The following PCDHA13 variants were observed in gnomAD, a reference collection of about 807,000 sequenced individuals.
PCDHA13 encodes protocadherin alpha-13.
Under a neutral mutation model 64.8 loss-of-function variants are expected in PCDHA13, and 54 were observed. The observed-to-expected ratio is 0.83, with a 90% CI of 0.67 to 1.04. PCDHA13 has a LOEUF of 1.04. Among genes scored for constraint, PCDHA13 ranks in the 50% least tolerant of loss-of-function variants. The probability of loss-of-function intolerance (pLI) is 0.00; values close to 1 mark genes in which losing one functional copy is unlikely to be tolerated. For synonymous variants in PCDHA13, 587 were observed against 564.4 expected (o/e 1.04, Z -0.57); for missense variants, 1,248 against 1,254.3 (o/e 0.99, Z 0.08).
At chr5:140,955,146 T>C (rs184262984) in intron 1 of PCDHA13, among the ~76,000 whole-genome samples, 10 of 152,338 alleles carry the variant, frequency 6.6e-5, no homozygotes, top group African/African-American at 2.4e-4. Context: ...TCTGTTTTTG[T>C]ACCAGTACCG....
intron 1 of PCDHA13, among the ~76,000 whole-genome samples, chr5:140,933,313 C>T (rs977318847): frequency 3.9e-5 from 6 of 151,916 alleles, no homozygotes; most frequent in African/African-American, 1.4e-4. Context: ...TATGCAATCT[C>T]GTATTCTCCT....
intron 1 of PCDHA13, chr5:140,928,022 G>A: frequency 6.2e-7 from 1 of 1,614,200 alleles, no homozygotes; most frequent in Non-Finnish European, 8.5e-7. Flanking sequence ...AGGGTCATTT[G>A]TGGCATGTCT....
At chr5:140,976,929 A>G (rs1289479026) in intron 1 of PCDHA13, among the ~76,000 whole-genome samples, 2 of 152,234 alleles carry the variant, frequency 1.3e-5, no homozygotes, top group South Asian at 2.1e-4. Flanking sequence ...AGTACTGTGT[A>G]GCTACTTAAA....
rs551685820 is a variant in PCDHA13, at chr5:140,967,997, C to G, written c.2395-10952C>G. On this transcript the variant is annotated intron_variant, in intron 1 of 3. Transcript: ENST00000289272. ...GGGTCTGGAGGCCACACTGCCTTTC[C>G]GACTGAATGGCTTTGGAAACTCCTA... is the stretch of plus-strand genomic sequence containing the variant. The G allele has an allele frequency of 4.3e-6, 7 of 1,614,220 alleles. No individual in the cohort carries two copies. In the African/African-American group the frequency reaches 6.7e-5, roughly 15 times the overall value.
chr5:140,923,155 A>G (rs1316496589), intron 1 of PCDHA13, among the ~76,000 whole-genome samples: 4 of 152,236 alleles, frequency 2.6e-5, no homozygotes, highest in Non-Finnish European at 5.9e-5. Context: ...AAAAAATTAT[A>G]GAAAGATAAA....
intron 1 of PCDHA13, chr5:140,966,696 G>A (rs2096039255): frequency 7.4e-7 from 1 of 1,358,662 alleles, no homozygotes. Flanking sequence ...GGCGGGGCCC[G>A]GGCGTGGGGC....
chr5:140,904,716 G>T, intron 1 of PCDHA13, among the ~76,000 whole-genome samples: 1 of 151,886 alleles, frequency 6.6e-6, no homozygotes. Context: ...ACCACATTCT[G>T]GCCAACATCT....
In PCDHA13 at chr5:141,011,207, G is replaced by A. The variant is rs79928365; in HGVS notation, c.*1270G>A. On this transcript the variant is annotated 3_prime_UTR_variant, in exon 4 of 4. Coordinates refer to ENST00000289272, the MANE Select transcript of PCDHA13 (RefSeq NM_018904.3). Reference sequence around the variant, plus strand: ...GAAAAATATTGTTTTCTCATACAGTGAGCAGATTTTTCAATCTACTAATTC... The same window carrying A: ...GAAAAATATTGTTTTCTCATACAGTAAGCAGATTTTTCAATCTACTAATTC... 325 of 153,804 alleles carry A rather than the reference G, an allele frequency of 2.1e-3. 2 individuals are homozygous for A. The highest frequency in any genetic ancestry group is 7.1e-3 in the African/African-American group (293 of 41,546). 9.5% of individuals were successfully genotyped at this position (153,804 alleles called of 1,614,324 possible). A position where few individuals can be genotyped will look rare whatever the true frequency, so the allele number is the denominator to read the frequency against.
intron 1 of PCDHA13, chr5:140,967,752 C>T: frequency 1.2e-6 from 2 of 1,614,194 alleles, no homozygotes; most frequent in Middle Eastern, 1.6e-4. Context: ...GAGGAAGCCT[C>T]CTCCTACCAG....
chr5:140,967,959 G>A lies in PCDHA13; in HGVS notation c.2395-10990G>A, dbSNP rs782716187. ...AATGACCAAGACTCAGGCCCCAACC[G>A]GAAAGTGAGCCTGGGTCTGGAGGCC... On this transcript the variant is annotated intron_variant, in intron 1 of 3. Transcript: ENST00000289272. The A allele has an allele frequency of 1.5e-5, 25 of 1,614,046 alleles. No individual in the cohort carries two copies. Among genetic ancestry groups the A allele is most frequent in the Non-Finnish European group, 1.9e-5 (23 of 1,180,058 alleles).
intron 2 of PCDHA13, among the ~76,000 whole-genome samples, chr5:140,982,179 T>C (rs950269342): frequency 6.6e-6 from 1 of 152,396 alleles, no homozygotes. Flanking sequence ...CTTAGTCCTC[T>C]GATGGGCTTC....
intron 1 of PCDHA13, chr5:140,927,019 T>C: frequency 6.2e-7 from 1 of 1,612,660 alleles, no homozygotes; most frequent in Non-Finnish European, 8.5e-7. Flanking sequence ...CTCCGCGGAC[T>C]TGAGGCTGCC....
chr5:140,960,258 T>G (rs551623092), intron 1 of PCDHA13, among the ~76,000 whole-genome samples: 1 of 152,248 alleles, frequency 6.6e-6, no homozygotes, highest in Non-Finnish European at 1.5e-5. Context: ...CTGGAGCTTC[T>G]GATAAATTCC....
intron 3 of PCDHA13, among the ~76,000 whole-genome samples, chr5:140,985,840 T>C (rs1441638586): frequency 2.0e-5 from 3 of 149,512 alleles, no homozygotes; most frequent in African/African-American, 7.4e-5. Flanking sequence ...CCCGGGTTCA[T>C]GCCACTCTCC....
intron 1 of PCDHA13, among the ~76,000 whole-genome samples, chr5:140,956,062 T>G (rs2153708941): frequency 6.6e-6 from 1 of 152,228 alleles, no homozygotes; most frequent in South Asian, 2.1e-4. Flanking sequence ...GACAATGGGG[T>G]TTTCCAGATA....
At position 140,883,731 on chromosome 5, in the gene PCDHA13, C is replaced by A; in HGVS notation, c.1463C>A (p.Ala488Glu). 6.2e-7 allele frequency: 1 copy of A among 1,613,446 alleles called. No homozygotes were observed. Among genetic ancestry groups the A allele is most frequent in the Non-Finnish European group, 8.5e-7 (1 of 1,179,798 alleles). ...CAGGACGCGGACGCACAGGAGAACGCGCTGGTCTCCTACTCGCTGGTGGAG... is the reference window on the plus strand; with the variant it reads ...CAGGACGCGGACGCACAGGAGAACGAGCTGGTCTCCTACTCGCTGGTGGAG... The part of the protein sequence containing the change: ...SAQDADAQEN[A>E]LVSYSLVERR... The change falls in exon 1 of 4, where the codon GCG becomes GAG. Residue 488 changes from alanine to glutamate, a missense_variant. By Grantham distance (107) the Ala-to-Glu change is moderately radical. Coordinates refer to ENST00000289272, the MANE Select transcript of PCDHA13 (RefSeq NM_018904.3).
At chr5:140,993,571 G>A (rs1298531948) in intron 3 of PCDHA13, among the ~76,000 whole-genome samples, 1 of 151,484 alleles carries the variant, frequency 6.6e-6, no homozygotes, top group Non-Finnish European at 1.5e-5. Flanking sequence ...TCCTTTCTAG[G>A]GATGCTTTTC....
At chr5:140,949,584 A>T (rs1313706016) in intron 1 of PCDHA13, among the ~76,000 whole-genome samples, 5 of 151,722 alleles carry the variant, frequency 3.3e-5, no homozygotes, top group Admixed American at 6.6e-5. Context: ...CTTTTGTGTG[A>T]TATTAATGTG....
intron 1 of PCDHA13, among the ~76,000 whole-genome samples, chr5:140,888,521 C>A (rs191011552): frequency 1.3e-5 from 2 of 152,142 alleles, no homozygotes; most frequent in African/African-American, 2.4e-5. Context: ...TTAGTTCTGA[C>A]GTGAAGTTAA....
Sources: gnomAD v4.1 joint callset for allele counts (sites outside exome capture counted in the v4.1 genomes callset) on GRCh38, gnomAD v4.1.1 for gene constraint, MANE v1.5 for transcripts, NCBI Gene and HGNC (gene_info 2026-07-23, HGNC 2026-07-21) for gene names.